JAM2: variants seen among roughly 807,000 people sequenced by gnomAD.
The protein encoded by JAM2 is junctional adhesion molecule 2.
JAM2 carries 17 observed loss-of-function variants against 42.0 expected under a neutral mutation model. That is an observed-to-expected ratio of 0.40 (90% CI 0.28 to 0.61). JAM2 has a LOEUF of 0.61. JAM2 is among the 20% of genes least tolerant of loss of function. The pLI, the probability that JAM2 is intolerant of heterozygous loss-of-function variation, is 0.37. For synonymous variants in JAM2, 118 were observed against 128.6 expected (o/e 0.92, Z 0.56); for missense variants, 319 against 358.3 (o/e 0.89, Z 0.89).
At chr21:25,701,774 A>C (rs576137006) in intron 5 of JAM2, among the ~76,000 whole-genome samples, 1 of 152,322 alleles carries the variant, frequency 6.6e-6, no homozygotes, top group South Asian at 2.1e-4. Context: ...GACTTAGGAA[A>C]GTGCATTAAC....
In JAM2 at chr21:25,657,355, C is replaced by T. The variant is rs1486785497; in HGVS notation, c.67+17467C>T. Among the ~76,000 whole-genome samples, 3 of 152,330 alleles carry T rather than the reference C, an allele frequency of 2.0e-5. No individual in the cohort carries two copies. The East Asian group carries it at 5.8e-4, about 29-fold the overall frequency. The stretch of plus-strand genomic sequence containing the variant: ...CCTAAAAGAGTATTAGTCACATCTT[C>T]TCTTACAAGGTGACTCATGGCAGGT... On this transcript the variant is annotated intron_variant, in intron 1 of 9. Transcript: ENST00000480456.
At chr21:25,661,637 T>C (rs929769492) in intron 1 of JAM2, among the ~76,000 whole-genome samples, 3 of 151,908 alleles carry the variant, frequency 2.0e-5, no homozygotes, top group Non-Finnish European at 2.9e-5. Flanking sequence ...ATATAAATTA[T>C]ATGTTTGTAT....
intron 1 of JAM2, among the ~76,000 whole-genome samples, chr21:25,671,628 C>T (rs1360106531): frequency 2.0e-5 from 3 of 152,164 alleles, no homozygotes; most frequent in Admixed American, 1.3e-4. Flanking sequence ...GCCTCAGCCT[C>T]CTGAGTTGCT....
At chr21:25,658,545 C>T (rs2032998860) in intron 1 of JAM2, among the ~76,000 whole-genome samples, 1 of 152,028 alleles carries the variant, frequency 6.6e-6, no homozygotes, top group Non-Finnish European at 1.5e-5. Context: ...AGAGCAGAGA[C>T]AATGACAAAA....
At chr21:25,651,071 A>AC (rs1214263216) in intron 1 of JAM2, among the ~76,000 whole-genome samples, 10 of 149,788 alleles carry the variant, frequency 6.7e-5, no homozygotes, top group Non-Finnish European at 1.2e-4. Context: ...CAAAAAAAAA[A>AC]AAAAAAAAAA....
intron 9 of JAM2, chr21:25,714,163 C>T: frequency 2.3e-6 from 3 of 1,300,524 alleles, no homozygotes; most frequent in Admixed American, 4.6e-5. Flanking sequence ...AGTACCTTGT[C>T]TGCTAGGAGT....
chr21:25,652,133 C>T (rs1015454426), intron 1 of JAM2, among the ~76,000 whole-genome samples: 4 of 152,118 alleles, frequency 2.6e-5, no homozygotes, highest in Admixed American at 1.3e-4. Context: ...CACTTGTAAT[C>T]CCCATACTTT....
At chr21:25,697,549 C>G (rs1244739739) in intron 4 of JAM2, among the ~76,000 whole-genome samples, 1 of 152,122 alleles carries the variant, frequency 6.6e-6, no homozygotes, top group Non-Finnish European at 1.5e-5. Context: ...CAGGTATTTT[C>G]TAACTTGGCC....
At chr21:25,659,819 C>T (rs1019202807) in intron 1 of JAM2, among the ~76,000 whole-genome samples, 3 of 151,960 alleles carry the variant, frequency 2.0e-5, no homozygotes, top group Non-Finnish European at 4.4e-5. Flanking sequence ...AATAATTATC[C>T]CAGTTAAATG....
intron 1 of JAM2, among the ~76,000 whole-genome samples, chr21:25,674,018 T>A (rs914252774): frequency 3.3e-5 from 5 of 152,212 alleles, no homozygotes; most frequent in African/African-American, 1.2e-4. Context: ...ATGTAAGATG[T>A]GCCTTTTGCC....
chr21:25,648,146 G>GGTTGCAATGAGCTGAGATT (rs1343779900), intron 1 of JAM2, among the ~76,000 whole-genome samples: 1 of 152,106 alleles, frequency 6.6e-6, no homozygotes, highest in Non-Finnish European at 1.5e-5. Flanking sequence ...GGGAGGCGGA[G>GGTTGCAATGAGCTGAGATT]GTTGCAATGA....
intron 1 of JAM2, among the ~76,000 whole-genome samples, chr21:25,666,903 G>C: frequency 6.6e-6 from 1 of 152,254 alleles, no homozygotes; most frequent in South Asian, 2.1e-4. Flanking sequence ...ATCATTTTAA[G>C]CATCAAATAT....
At chr21:25,702,535 C>A (rs2034189089) in intron 6 of JAM2, among the ~76,000 whole-genome samples, 1 of 152,116 alleles carries the variant, frequency 6.6e-6, no homozygotes, top group Admixed American at 6.6e-5. Context: ...AAAATACATT[C>A]TTCTAAGTAG....
chr21:25,652,263 A>G (rs1368068787), intron 1 of JAM2, among the ~76,000 whole-genome samples: 2 of 152,144 alleles, frequency 1.3e-5, no homozygotes, highest in Non-Finnish European at 2.9e-5. Flanking sequence ...GCATGGTGGC[A>G]TGCCTGTAGT....
intron 3 of JAM2, 112 bp downstream of exon 3, chr21:25,690,085 G>T (rs916144447): frequency 1.4e-6 from 1 of 705,858 alleles, no homozygotes; most frequent in Admixed American, 2.3e-5. Flanking sequence ...ATGTGTTTTT[G>T]TAAGTGTGAG....
At chr21:25,666,724 T>C (rs2033234101) in intron 1 of JAM2, among the ~76,000 whole-genome samples, 3 of 152,038 alleles carry the variant, frequency 2.0e-5, no homozygotes, top group Admixed American at 1.3e-4. Flanking sequence ...TTTGTAAAGA[T>C]AGGATCTCAC....
At chr21:25,678,865 T>C (rs2033561026) in intron 1 of JAM2, among the ~76,000 whole-genome samples, 3 of 152,332 alleles carry the variant, frequency 2.0e-5, no homozygotes, top group Non-Finnish European at 4.4e-5. Flanking sequence ...AGTGGTGCGA[T>C]CATAGCTCAC....
In JAM2 at chr21:25,649,073, T is replaced by C. The variant is rs546757234; in HGVS notation, c.67+9185T>C. ...GTCTGCCTTATAGGATTTTAAGAAA[T>C]TTTCCAGATTTCCTGATGCCTCCTT... On this transcript the variant is annotated intron_variant, in intron 1 of 9. Transcript: ENST00000480456. Among the ~76,000 whole-genome samples, 11 of 152,294 alleles carry C rather than the reference T, an allele frequency of 7.2e-5. No homozygotes were observed. In the East Asian group the frequency reaches 1.2e-3, roughly 16 times the overall value.
intron 1 of JAM2, among the ~76,000 whole-genome samples, chr21:25,641,161 G>GA (rs557950051): frequency 1.2e-3 from 180 of 151,912 alleles, no homozygotes; most frequent in African/African-American, 4.1e-3. Context: ...ACACACAGAA[G>GA]AAAAAAAATG....
Sources: gnomAD v4.1 joint callset for allele counts (sites outside exome capture counted in the v4.1 genomes callset) on GRCh38, gnomAD v4.1.1 for gene constraint, MANE v1.5 for transcripts, NCBI Gene and HGNC (gene_info 2026-07-23, HGNC 2026-07-21) for gene names.